The following TTC28 variants were observed in gnomAD, a reference collection of about 807,000 sequenced individuals.
The protein encoded by TTC28 is tetratricopeptide repeat protein 28.
Under a neutral mutation model 198.0 loss-of-function variants are expected in TTC28, and 61 were observed. The ratio of observed to expected loss-of-function variants is 0.31; its 90% CI spans 0.25 to 0.38. TTC28 has a LOEUF of 0.38. Ranked by LOEUF, TTC28 falls within the 10% of genes least tolerant of loss-of-function variation. The pLI is 1.00. For synonymous variants in TTC28, 1,171 were observed against 1,297.8 expected (o/e 0.90, Z 2.10); for missense variants, 2,678 against 3,164.0 (o/e 0.85, Z 3.69).
At chr22:28,054,811 C>T (rs952495088) in intron 12 of TTC28, among the ~76,000 whole-genome samples, 11 of 152,222 alleles carry the variant, frequency 7.2e-5, no homozygotes, top group African/African-American at 2.7e-4. Flanking sequence ...TCTGACTAAT[C>T]CCAACTGGCT....
chr22:28,086,960 G>T lies in TTC28; in HGVS notation c.3932+7120C>A, dbSNP rs182510636. Among the ~76,000 whole-genome samples the T allele has an allele frequency of 4.5e-4, 68 of 152,210 alleles. 1 individual carries two copies. Among genetic ancestry groups the T allele is most frequent in the African/African-American group, 1.5e-3 (64 of 41,542 alleles). Reference sequence around the variant, plus strand: ...CATACACCCTCCCAAGACTAAACCAGGAAGAAGTTGAATATCTAAATAGAC... The same window carrying T: ...CATACACCCTCCCAAGACTAAACCATGAAGAAGTTGAATATCTAAATAGAC... On this transcript the variant is annotated intron_variant, in intron 12 of 22. Coordinates refer to ENST00000397906, the MANE Select transcript of TTC28 (RefSeq NM_001145418.2).
At chr22:28,077,405 T>G (rs1449212804) in intron 12 of TTC28, among the ~76,000 whole-genome samples, 1 of 152,168 alleles carries the variant, frequency 6.6e-6, no homozygotes, top group Admixed American at 6.5e-5. Flanking sequence ...ATCCTCCCAC[T>G]TCAACCTCCT....
intron 22 of TTC28, among the ~76,000 whole-genome samples, chr22:27,984,247 C>A (rs770728698): frequency 6.6e-6 from 1 of 152,148 alleles, no homozygotes; most frequent in Non-Finnish European, 1.5e-5. Context: ...GCCCTCCTTT[C>A]CAGCTCCATC....
At chr22:28,604,310 T>C (rs2050693739) in intron 2 of TTC28, among the ~76,000 whole-genome samples, 1 of 143,924 alleles carries the variant, frequency 6.9e-6, no homozygotes, top group Non-Finnish European at 1.5e-5. Context: ...TATATATATA[T>C]ATATATATAT....
chr22:28,617,229 G>A (rs1044864064), intron 2 of TTC28, among the ~76,000 whole-genome samples: 4 of 151,662 alleles, frequency 2.6e-5, no homozygotes, highest in Non-Finnish European at 4.4e-5. Flanking sequence ...GACAGGTCTT[G>A]GTGGCTCACG....
intron 5 of TTC28, among the ~76,000 whole-genome samples, chr22:28,201,153 A>G (rs1348170556): frequency 6.6e-6 from 1 of 152,150 alleles, no homozygotes; most frequent in African/African-American, 2.4e-5. Flanking sequence ...TGAGAAAAGT[A>G]TAGGAGAAGG....
intron 2 of TTC28, among the ~76,000 whole-genome samples, chr22:28,386,626 G>C (rs2046601953): frequency 6.6e-6 from 1 of 152,068 alleles, no homozygotes; most frequent in Admixed American, 6.6e-5. Flanking sequence ...TGACTCCATA[G>C]GGTCTAAGAG....
At chr22:28,062,690 T>C (rs1015541261) in intron 12 of TTC28, among the ~76,000 whole-genome samples, 4 of 152,110 alleles carry the variant, frequency 2.6e-5, no homozygotes, top group Non-Finnish European at 4.4e-5. Context: ...TCATTTCCTT[T>C]ATGTTGTTAA....
chr22:27,995,995 G>A (rs527921113), intron 17 of TTC28, 140 bp downstream of exon 17: 57 of 1,304,610 alleles, frequency 4.4e-5, no homozygotes, highest in Middle Eastern at 1.9e-4. Context: ...TGTGGAAGCC[G>A]GTCAGTGCCA....
At chr22:28,169,278 A>T (rs1486064938) in intron 5 of TTC28, among the ~76,000 whole-genome samples, 1 of 152,144 alleles carries the variant, frequency 6.6e-6, no homozygotes, top group Non-Finnish European at 1.5e-5. Flanking sequence ...TTCCTCAGGG[A>T]TCTAGAACTA....
intron 6 of TTC28, among the ~76,000 whole-genome samples, chr22:28,138,090 T>G (rs1943244732): frequency 6.6e-6 from 1 of 152,096 alleles, no homozygotes. Context: ...TAGGCTCTAC[T>G]TTTTGAAGGG....
chr22:28,630,464 A>AT (rs1010152810), intron 1 of TTC28, among the ~76,000 whole-genome samples: 1 of 151,788 alleles, frequency 6.6e-6, no homozygotes, highest in African/African-American at 2.4e-5. Flanking sequence ...CATGCAGCTA[A>AT]TTTTTTTTGG....
chr22:28,226,419 CTCT>C (rs1038319292), intron 5 of TTC28, among the ~76,000 whole-genome samples: 5 of 151,920 alleles, frequency 3.3e-5, no homozygotes, highest in African/African-American at 9.7e-5. Flanking sequence ...CTGTTCTCTT[CTCT>C]TCTTTTCTCT....
chr22:28,402,163 A>G (rs1394250443), intron 2 of TTC28, among the ~76,000 whole-genome samples: 1 of 152,220 alleles, frequency 6.6e-6, no homozygotes, highest in African/African-American at 2.4e-5. Context: ...CAAATACAAT[A>G]CCACCATTTT....
intron 12 of TTC28, among the ~76,000 whole-genome samples, chr22:28,043,758 G>A (rs535642627): frequency 7.9e-5 from 12 of 152,242 alleles, no homozygotes; most frequent in East Asian, 7.7e-4. Context: ...TGGGCAGGGC[G>A]GAGATGTGTC....
At chr22:28,260,695 G>T (rs759067803) in intron 5 of TTC28, among the ~76,000 whole-genome samples, 2 of 152,100 alleles carry the variant, frequency 1.3e-5, no homozygotes, top group Non-Finnish European at 2.9e-5. Flanking sequence ...AAATTAATCT[G>T]CTCCTTGTGT....
chr22:28,335,898 G>A (rs1388346641), intron 2 of TTC28, among the ~76,000 whole-genome samples: 1 of 152,122 alleles, frequency 6.6e-6, no homozygotes, highest in East Asian at 1.9e-4. Flanking sequence ...GGTGAGAGAG[G>A]GCATCCCTGT....
At chr22:28,170,493 A>G (rs1922559905) in intron 5 of TTC28, among the ~76,000 whole-genome samples, 1 of 151,614 alleles carries the variant, frequency 6.6e-6, no homozygotes, top group Non-Finnish European at 1.5e-5. Flanking sequence ...CGTCTCCAAA[A>G]AAAAAAAAAA....
intron 5 of TTC28, among the ~76,000 whole-genome samples, chr22:28,247,575 C>A (rs776003262): frequency 1.3e-5 from 2 of 152,262 alleles, no homozygotes; most frequent in Admixed American, 6.5e-5. Context: ...CTATAACAGA[C>A]GACATCTCAC....
Sources: gnomAD v4.1 joint callset for allele counts (sites outside exome capture counted in the v4.1 genomes callset) on GRCh38, gnomAD v4.1.1 for gene constraint, MANE v1.5 for transcripts, NCBI Gene and HGNC (gene_info 2026-07-23, HGNC 2026-07-21) for gene names.